Variants in DNAH14 observed in about 807,000 individuals in gnomAD.
The protein encoded by DNAH14 is dynein axonemal heavy chain 14, also known as axonemal beta dynein heavy chain 14.
In DNAH14, 478 loss-of-function variants were observed where a neutral mutation model predicts 520.9. That is an observed-to-expected ratio of 0.92 (90% CI 0.85 to 0.99). DNAH14 has a LOEUF of 0.99. DNAH14 is among the 50% of genes least tolerant of loss of function. The probability of loss-of-function intolerance (pLI) is 0.00; values close to 1 mark genes in which losing one functional copy is unlikely to be tolerated. For missense variants in DNAH14, 4,831 were observed against 5,234.5 expected (o/e 0.92, Z 2.38); for synonymous variants, 1,581 against 1,757.2 (o/e 0.90, Z 2.51).
intron 27 of DNAH14, among the ~76,000 whole-genome samples, chr1:225,138,201 C>A (rs1175339845): frequency 6.6e-6 from 1 of 152,182 alleles, no homozygotes; most frequent in Non-Finnish European, 1.5e-5. Flanking sequence ...GTTAAAGAAG[C>A]AGCCTGGCCC....
intron 11 of DNAH14, among the ~76,000 whole-genome samples, chr1:225,031,291 T>G (rs933109865): frequency 6.6e-6 from 1 of 152,108 alleles, no homozygotes; most frequent in Non-Finnish European, 1.5e-5. Context: ...AATTTCTACT[T>G]AGACCAAGTG....
intron 17 of DNAH14, among the ~76,000 whole-genome samples, chr1:225,078,062 A>AT (rs1406834486): frequency 2.6e-5 from 4 of 152,206 alleles, no homozygotes; most frequent in African/African-American, 9.6e-5. Context: ...ATATGAAAAA[A>AT]TTTTAGTTCC....
intron 35 of DNAH14, among the ~76,000 whole-genome samples, chr1:225,162,400 C>T (rs904477047): frequency 3.3e-5 from 5 of 152,160 alleles, no homozygotes; most frequent in Non-Finnish European, 2.9e-5. Context: ...GTCTGTGTGT[C>T]TATTTCTCTG....
At chr1:225,324,078 A>G (rs1416642054) in intron 62 of DNAH14, 144 bp from the exon 63 acceptor site, 14 of 946,296 alleles carry the variant, frequency 1.5e-5, no homozygotes, top group Admixed American at 5.6e-5. Flanking sequence ...GACCTCCCAA[A>G]GTGCTGGGTT....
At chr1:225,204,381 G>T in intron 39 of DNAH14, 108 bp downstream of exon 39, 1 of 635,082 alleles carries the variant, frequency 1.6e-6, no homozygotes. Context: ...GTAATATTTT[G>T]TTCCTGTACC....
rs973044197 is a variant in DNAH14 at position 225,182,138 on chromosome 1, C to T, written c.5536-3153C>T. On this transcript the variant is annotated intron_variant, in intron 36 of 85. Transcript: ENST00000682510. ...ACTTGAACCCTGGAAGCAGAAGTTG[C>T]GGTGAACCCAGATCGCATCATTGCA... 5.3e-5 allele frequency among the ~76,000 whole-genome samples: 8 copies of T among 152,250 alleles called. No homozygotes were observed. The East Asian group carries it at 9.6e-4, about 18-fold the overall frequency.
intron 79 of DNAH14, among the ~76,000 whole-genome samples, chr1:225,379,156 T>C (rs1003896841): frequency 6.6e-6 from 1 of 152,210 alleles, no homozygotes; most frequent in African/African-American, 2.4e-5. Context: ...AAGAAGCCCT[T>C]CGTGTCAACA....
intron 38 of DNAH14, 72 bp downstream of exon 38, chr1:225,192,983 T>C: frequency 1.7e-6 from 2 of 1,150,812 alleles, no homozygotes; most frequent in Non-Finnish European, 2.4e-6. Flanking sequence ...CAAAGACTGA[T>C]ATTAAAACAT....
At chr1:225,394,668 C>A (rs1382223589) in intron 84 of DNAH14, among the ~76,000 whole-genome samples, 1 of 152,050 alleles carries the variant, frequency 6.6e-6, no homozygotes, top group African/African-American at 2.4e-5. Context: ...CATGGCAAAA[C>A]CCCATCTCTA....
intron 2 of DNAH14, chr1:224,954,721 T>G (rs1310801693): frequency 3.3e-6 from 1 of 298,748 alleles, no homozygotes. Context: ...CATGTAAATG[T>G]TGCAGATCTT....
chr1:225,232,280 T>TACACAC lies in DNAH14; in HGVS notation c.6518+1144_6518+1149dup, dbSNP rs139079665. 3.8e-3 allele frequency among the ~76,000 whole-genome samples: 564 copies of TACACAC among 149,580 alleles called. 4 individuals carry two copies. The highest frequency in any genetic ancestry group is 0.011 in the African/African-American group (442 of 40,778). ...ATATATAAACTGTGATATATATATA[T>TACACAC]ACACACACACACACACACACGTGTA... is the stretch of plus-strand genomic sequence containing the variant. On this transcript the variant is annotated intron_variant, in intron 42 of 85. Transcript: ENST00000682510. This position sits in a 1 kb window ranked among gnomAD's most constrained non-coding sequence, Gnocchi z 4.2.
intron 9 of DNAH14, 40 bp from the exon 10 acceptor site, chr1:225,007,373 T>C (rs996795359): frequency 8.5e-6 from 12 of 1,414,080 alleles, no homozygotes; most frequent in Non-Finnish European, 1.1e-5. Context: ...AATATGAATT[T>C]TGACTTTCTA....
In DNAH14 at chr1:225,389,824, T is replaced by C; in HGVS notation, c.13281T>C (p.Phe4427=). Residue 4427 remains phenylalanine (F), a synonymous_variant, in exon 83 of 86, where the codon TTT becomes TTC. Transcript: ENST00000682510. ...KHPEDSENNF[F]EGFPSRYWLP... is the part of the protein sequence containing the mutation. Reference sequence around the variant, plus strand: ...CTGAGGATTCAGAGAACAATTTCTTTGAAGGGTTTCCTTCAAGATACTGGC... The same window carrying C: ...CTGAGGATTCAGAGAACAATTTCTTCGAAGGGTTTCCTTCAAGATACTGGC... 6.4e-7 allele frequency: 1 copy of C among 1,551,926 alleles called. No individual in the cohort carries two copies. The highest frequency in any genetic ancestry group is 8.7e-7 in the Non-Finnish European group (1 of 1,147,034).
intron 71 of DNAH14, among the ~76,000 whole-genome samples, chr1:225,349,052 G>A (rs1165591984): frequency 6.6e-6 from 1 of 152,046 alleles, no homozygotes; most frequent in Non-Finnish European, 1.5e-5. Context: ...GCTCACTGTA[G>A]CCTCCAACTT....
At chr1:224,945,904 G>A (rs1383479300) in intron 1 of DNAH14, among the ~76,000 whole-genome samples, 1 of 152,294 alleles carries the variant, frequency 6.6e-6, no homozygotes, top group South Asian at 2.1e-4. Context: ...GCCCCTACTG[G>A]GGCTGCCTCC....
intron 22 of DNAH14, among the ~76,000 whole-genome samples, chr1:225,098,607 T>G (rs190605137): frequency 2.0e-5 from 3 of 152,330 alleles, no homozygotes; most frequent in Admixed American, 2.0e-4. Context: ...AATATCCATT[T>G]GTGTTATACA....
Position 225,354,363 on chromosome 1 carries a change from A to G in DNAH14, c.11619+475A>G, listed in dbSNP as rs548877628. The G allele has an allele frequency of 4.2e-4, 275 of 654,388 alleles. 3 individuals are homozygous for G. Among genetic ancestry groups the G allele is most frequent in the South Asian group, 1.5e-3 (96 of 62,646 alleles). The allele number at this position is 654,388 out of a possible 1,614,324, so 40.5% of individuals were successfully genotyped here. A position where few individuals can be genotyped will look rare whatever the true frequency, so the allele number is the denominator to read the frequency against. ...TCCACCAACATGACCTTTATTATTA[A>G]TAAAAGGATATTTTTGCCCAGCACC... On this transcript the variant is annotated intron_variant, in intron 73 of 85. Transcript: ENST00000682510.
chr1:225,165,720 A>T (rs956910215), intron 35 of DNAH14, among the ~76,000 whole-genome samples: 1 of 151,760 alleles, frequency 6.6e-6, no homozygotes, highest in Non-Finnish European at 1.5e-5. Flanking sequence ...AGTAGCTAGG[A>T]CTACAGGCAC....
chr1:225,043,248 AGT>A, intron 13 of DNAH14, 134 bp downstream of exon 13: 1 of 437,430 alleles, frequency 2.3e-6, no homozygotes, highest in Non-Finnish European at 3.8e-6. Flanking sequence ...TGGGCAACAC[AGT>A]GAGACCTTGT....
Sources: gnomAD v4.1 joint callset for allele counts (sites outside exome capture counted in the v4.1 genomes callset) on GRCh38, gnomAD v4.1.1 for gene constraint, Gnocchi (gnomAD v3.1) non-coding constraint, MANE v1.5 for transcripts, NCBI Gene and HGNC (gene_info 2026-07-23, HGNC 2026-07-21) for gene names.